RDX: variants seen among roughly 807,000 people sequenced by gnomAD.
The protein encoded by RDX is deafness, autosomal recessive 24.
Under a neutral mutation model 83.7 loss-of-function variants are expected in RDX, and 32 were observed. That is an observed-to-expected ratio of 0.38 (90% CI 0.29 to 0.51). RDX has a LOEUF of 0.51. Ranked by LOEUF, RDX falls within the 20% of genes least tolerant of loss-of-function variation. The probability of loss-of-function intolerance (pLI) is 0.87; values close to 1 mark genes in which losing one functional copy is unlikely to be tolerated. For missense variants in RDX, 600 were observed against 689.9 expected (o/e 0.87, Z 1.46); for synonymous variants, 229 against 222.7 (o/e 1.03, Z -0.25).
intron 14 of RDX, among the ~76,000 whole-genome samples, chr11:110,223,857 GGAATTT>G (rs1328851537): frequency 4.6e-5 from 7 of 152,052 alleles, no homozygotes; most frequent in African/African-American, 1.7e-4. Flanking sequence ...CCTGAGGTCA[GGAATTT>G]GAGACCAGCC....
intron 9 of RDX, among the ~76,000 whole-genome samples, chr11:110,252,429 A>G (rs573192664): frequency 5.1e-4 from 78 of 152,356 alleles, no homozygotes; most frequent in African/African-American, 1.7e-3. Context: ...TAAATAATAT[A>G]TCAACATTAT....
chr11:110,207,034 A>G (rs1863631538), intron 14 of RDX, among the ~76,000 whole-genome samples: 1 of 152,038 alleles, frequency 6.6e-6, no homozygotes, highest in South Asian at 2.1e-4. Flanking sequence ...GTGCAGTGGC[A>G]TGATCTCAGC....
intron 14 of RDX, among the ~76,000 whole-genome samples, chr11:110,204,386 A>T (rs1241663291): frequency 6.6e-6 from 1 of 152,114 alleles, no homozygotes; most frequent in Non-Finnish European, 1.5e-5. Flanking sequence ...CATGATCTTA[A>T]TGCAAAAATT....
chr11:110,292,952 G>A (rs1861304145), intron 1 of RDX, among the ~76,000 whole-genome samples: 1 of 152,104 alleles, frequency 6.6e-6, no homozygotes, highest in Admixed American at 6.5e-5. Flanking sequence ...CCATATGCTA[G>A]AAAACAAAAA....
chr11:110,182,563 G>C (rs575156185), intron 15 of RDX, among the ~76,000 whole-genome samples: 8 of 152,054 alleles, frequency 5.3e-5, no homozygotes, highest in Non-Finnish European at 7.4e-5. Context: ...ATCTTGCCAC[G>C]GTACTCCAGC....
At chr11:110,234,554 G>C (rs1313267906) in intron 12 of RDX, among the ~76,000 whole-genome samples, 2 of 152,094 alleles carry the variant, frequency 1.3e-5, no homozygotes, top group Non-Finnish European at 2.9e-5. Flanking sequence ...ATTTCCCCTA[G>C]TTTATGGGAA....
intron 10 of RDX, among the ~76,000 whole-genome samples, chr11:110,244,233 A>G (rs1865212834): frequency 6.6e-6 from 1 of 151,676 alleles, no homozygotes; most frequent in Non-Finnish European, 1.5e-5. Context: ...GTGGTGGTGG[A>G]CGCCTGTAAT....
intron 1 of RDX, among the ~76,000 whole-genome samples, chr11:110,294,477 G>A (rs951729057): frequency 6.6e-6 from 1 of 152,146 alleles, no homozygotes; most frequent in Admixed American, 6.5e-5. Flanking sequence ...AGGATCTAAA[G>A]TGACCTTGAT....
Position 110,285,155 on chromosome 11 carries a change from G to A in RDX, c.-64-5399C>T, listed in dbSNP as rs188304991. Among the ~76,000 whole-genome samples, 212 of 152,146 alleles carry A rather than the reference G, an allele frequency of 1.4e-3. 2 individuals are homozygous for A. The highest frequency in any genetic ancestry group is 4.6e-3 in the African/African-American group (189 of 41,510). On this transcript the variant is annotated intron_variant, in intron 1 of 13. Coordinates refer to ENST00000645495, the MANE Select transcript of RDX (RefSeq NM_002906.4). Reference sequence around the variant, plus strand: ...TGTAATCTCAGTACTTTGGGAGGCCGAGGCAGGCGGATCACGAGGTCAGGA... The same window carrying A: ...TGTAATCTCAGTACTTTGGGAGGCCAAGGCAGGCGGATCACGAGGTCAGGA...
chr11:110,188,579 G>A (rs1414739991), intron 15 of RDX, among the ~76,000 whole-genome samples: 3 of 152,162 alleles, frequency 2.0e-5, no homozygotes, highest in African/African-American at 7.2e-5. Flanking sequence ...CGGGTGATGG[G>A]TGGACCTAAA....
At position 110,230,580 on chromosome 11, in the gene RDX, AC is replaced by A. The variant is rs1864590490; in HGVS notation, c.*1288del. 1.3e-4 allele frequency: 2 copies of A among 15,346 alleles called. No homozygotes were observed. Among genetic ancestry groups the A allele is most frequent in the Admixed American group, 4.8e-4 (1 of 2,094 alleles). 1.0% of individuals were successfully genotyped at this position (15,346 alleles called of 1,614,324 possible). A position where few individuals can be genotyped will look rare whatever the true frequency, so the allele number is the denominator to read the frequency against. On this transcript the variant is annotated 3_prime_UTR_variant, in exon 14 of 14. Coordinates refer to ENST00000645495, the MANE Select transcript of RDX (RefSeq NM_002906.4). ...TCTCTCTCTCATACACACACAGAGTACACACACACACACACACACACACACA... is the reference window on the plus strand; with the variant it reads ...TCTCTCTCTCATACACACACAGAGTAACACACACACACACACACACACACA...
chr11:110,244,535 G>C (rs962065621), intron 10 of RDX, among the ~76,000 whole-genome samples: 3 of 152,050 alleles, frequency 2.0e-5, no homozygotes, highest in Non-Finnish European at 1.5e-5. Context: ...AGAAAGATTC[G>C]TGGTTGTCTA....
At chr11:110,186,269 T>C (rs1284556918) in intron 15 of RDX, among the ~76,000 whole-genome samples, 1 of 152,032 alleles carries the variant, frequency 6.6e-6, no homozygotes, top group African/African-American at 2.4e-5. Context: ...CTTTCTGCCC[T>C]GTGCAGAAGA....
intron 5 of RDX, among the ~76,000 whole-genome samples, chr11:110,259,613 G>C (rs1277721620): frequency 6.6e-6 from 1 of 152,120 alleles, no homozygotes; most frequent in African/African-American, 2.4e-5. Context: ...CCAAGCTCTT[G>C]CTTTTGGGGA....
chr11:110,270,821 C>G (rs1459010948), intron 3 of RDX, among the ~76,000 whole-genome samples: 1 of 152,158 alleles, frequency 6.6e-6, no homozygotes, highest in East Asian at 1.9e-4. Context: ...GTATACAATA[C>G]CAAAGAGGAT....
intron 1 of RDX, among the ~76,000 whole-genome samples, chr11:110,281,925 A>T (rs1466363149): frequency 1.5e-5 from 2 of 135,552 alleles, no homozygotes; most frequent in Non-Finnish European, 3.1e-5. Context: ...ACATGGCAAA[A>T]CCCCATCTCT....
intron 14 of RDX, among the ~76,000 whole-genome samples, chr11:110,204,514 C>CTTTT (rs577737066): frequency 1.9e-5 from 2 of 107,732 alleles, no homozygotes; most frequent in African/African-American, 3.8e-5. Flanking sequence ...TTTTTTTTTC[C>CTTTT]TTTTTTTTTT....
At position 110,182,852 on chromosome 11, in the gene RDX, G is replaced by A. The variant is rs149403013; in HGVS notation, c.*32-7618C>T. On this transcript the variant is annotated intron_variant, in intron 15 of 15. Transcript: ENST00000528498. ...AAGGAACTGAAGATGAGTTCTGAGC[G>A]TCTACGGATTCTATGTATTTGGGGA... is the stretch of plus-strand genomic sequence containing the variant. 7.1e-3 allele frequency among the ~76,000 whole-genome samples: 1,074 copies of A among 152,302 alleles called. 19 individuals carry two copies. The highest frequency in any genetic ancestry group is 0.023 in the African/African-American group (952 of 41,556).
intron 1 of RDX, among the ~76,000 whole-genome samples, chr11:110,289,455 G>C (rs10789758): frequency 6.6e-6 from 1 of 151,818 alleles, no homozygotes; most frequent in African/African-American, 2.4e-5. Context: ...TAACTTTGCT[G>C]AATAGCCAAA....
Sources: allele counts gnomAD v4.1 joint callset (sites outside exome capture counted in the v4.1 genomes callset), GRCh38; gene constraint gnomAD v4.1.1; transcripts MANE v1.5; gene names NCBI Gene and HGNC (gene_info 2026-07-23, HGNC 2026-07-21).